SP110: variants seen among roughly 807,000 people sequenced by gnomAD.
SP110 encodes the protein SP110 nuclear body protein.
SP110 carries 62 observed loss-of-function variants against 92.7 expected under a neutral mutation model. The observed-to-expected ratio is 0.67, with a 90% CI of 0.55 to 0.83. SP110 has a LOEUF of 0.83. Ranked by LOEUF, SP110 falls within the 40% of genes least tolerant of loss-of-function variation. The pLI is 0.00. For synonymous variants in SP110, 273 were observed against 305.3 expected (o/e 0.89, Z 1.10); for missense variants, 793 against 863.9 (o/e 0.92, Z 1.03).
At chr2:230,175,839 G>A (rs1296442840) in intron 14 of SP110, among the ~76,000 whole-genome samples, 1 of 152,086 alleles carries the variant, frequency 6.6e-6, no homozygotes, top group Non-Finnish European at 1.5e-5. Context: ...AAGCATGGAG[G>A]ATTCAGCAAT....
At chr2:230,199,929 A>G (rs1284554509) in intron 10 of SP110, among the ~76,000 whole-genome samples, 1 of 152,200 alleles carries the variant, frequency 6.6e-6, no homozygotes, top group Non-Finnish European at 1.5e-5. Context: ...ACCCGGTGGC[A>G]GCCAGCCCTT....
chr2:230,189,574 T>C (rs1039779773), intron 10 of SP110, among the ~76,000 whole-genome samples: 12 of 152,136 alleles, frequency 7.9e-5, no homozygotes, highest in Non-Finnish European at 1.8e-4. Context: ...AATTTTTTTC[T>C]TCTAAAAAAC....
At chr2:230,178,102 TTCTAGTGAGTCCTTCA>T in intron 13 of SP110, 39 bp downstream of exon 13, 1 of 1,082,584 alleles carries the variant, frequency 9.2e-7, no homozygotes, top group Non-Finnish European at 1.4e-6. Context: ...TTTTCCTCCC[TTCTAGTGAGTCCTTCA>T]TCTAGGGATT....
chr2:230,219,139 C>T (rs1473882916), intron 1 of SP110, among the ~76,000 whole-genome samples: 1 of 152,154 alleles, frequency 6.6e-6, no homozygotes, highest in Non-Finnish European at 1.5e-5. Context: ...GCAGGAGAAT[C>T]GCTTGAACCT....
Position 230,216,765 on chromosome 2 carries a change from G to T in SP110, c.147+16C>A. 6.2e-7 allele frequency: 1 copy of T among 1,613,502 alleles called. No homozygotes were observed. On this transcript the variant is annotated intron_variant, in intron 2 of 18. Transcript: ENST00000258381. ...GTGGGGGCTGGGCTGCCATGGAAGG[G>T]TTCAACATGACTCACCATGTACATT...
At chr2:230,183,876 T>C (rs2042238286) in intron 11 of SP110, among the ~76,000 whole-genome samples, 1 of 152,216 alleles carries the variant, frequency 6.6e-6, no homozygotes, top group Admixed American at 6.5e-5. Context: ...AATTAATATA[T>C]GTCAATACAT....
At chr2:230,210,582 A>T (rs1222523971) in intron 6 of SP110, among the ~76,000 whole-genome samples, 2 of 152,192 alleles carry the variant, frequency 1.3e-5, no homozygotes, top group East Asian at 3.9e-4. Flanking sequence ...GTATATAAGG[A>T]TTGTTTGAAG....
At position 230,165,680 on chromosome 2, in the gene SP110, A is replaced by T. The variant is rs2078300318; in HGVS notation, c.*3444T>A. On this transcript the variant is annotated 3_prime_UTR_variant, in exon 19 of 19. Coordinates refer to ENST00000258381, the MANE Select transcript of SP110 (RefSeq NM_080424.4). The stretch of plus-strand genomic sequence containing the variant: ...TCAAAGTGATAAACGCATTGCCTTA[A>T]GTATGTGACACATTACAGATATTTT... Among the ~76,000 whole-genome samples the T allele has an allele frequency of 6.6e-6, 1 of 152,314 alleles. No homozygotes were observed. The highest frequency in any genetic ancestry group is 1.9e-4 in the East Asian group (1 of 5,188).
intron 8 of SP110, among the ~76,000 whole-genome samples, chr2:230,204,801 A>G (rs2043582472): frequency 6.6e-6 from 1 of 152,208 alleles, no homozygotes; most frequent in Non-Finnish European, 1.5e-5. Flanking sequence ...TGAGATAGAC[A>G]TAAGTCAACA....
rs754814255 is a variant in SP110 at position 230,212,810 on chromosome 2, G to A, written c.534C>T (p.Asp178=). ...TGAGTGCAGGGAGAGGCAGGACAGGGTCAGATGGGCTGGGCGACTCACTCA... is the reference window on the plus strand; with the variant it reads ...TGAGTGCAGGGAGAGGCAGGACAGGATCAGATGGGCTGGGCGACTCACTCA... The part of the protein sequence containing the change: ...EILSESPSPS[D]PVLPLPALIQ... Residue 178 remains aspartate (D), a synonymous_variant, in exon 4 of 19, where the codon GAC becomes GAT. Transcript: ENST00000258381. 3.1e-6 allele frequency: 5 copies of A among 1,614,156 alleles called. No homozygotes were observed. The highest frequency in any genetic ancestry group is 4.2e-6 in the Non-Finnish European group (5 of 1,180,020).
At position 230,166,184 on chromosome 2, in the gene SP110, G is replaced by A. The variant is rs372845483; in HGVS notation, c.*2940C>T. Among the ~76,000 whole-genome samples the A allele has an allele frequency of 4.6e-5, 7 of 152,230 alleles. No individual in the cohort carries two copies. Among genetic ancestry groups the A allele is most frequent in the East Asian group, 1.9e-4 (1 of 5,182 alleles). ...TGGGATTACAGGCCTGAGCCACTGC[G>A]CCTGGCAGACCACCTATATTACTTT... On this transcript the variant is annotated 3_prime_UTR_variant, in exon 19 of 19. Coordinates refer to ENST00000258381, the MANE Select transcript of SP110 (RefSeq NM_080424.4).
At chr2:230,224,066 T>C (rs1002804069), upstream of SP110, among the ~76,000 whole-genome samples, 4 of 152,108 alleles carry the variant, frequency 2.6e-5, no homozygotes, top group African/African-American at 7.2e-5. Context: ...AAAAACAAGA[T>C]AGTGGGAAAT....
chr2:230,216,656 T>C, intron 2 of SP110, 125 bp downstream of exon 2: 1 of 1,163,850 alleles, frequency 8.6e-7, no homozygotes, highest in Non-Finnish European at 1.3e-6. Context: ...CCTTCTGTGA[T>C]AATGAACATG....
chr2:230,179,201 AG>A (rs1473109173), intron 12 of SP110, among the ~76,000 whole-genome samples: 1 of 152,196 alleles, frequency 6.6e-6, no homozygotes, highest in African/African-American at 2.4e-5. Context: ...GAAAGACACA[AG>A]GCAGATAGAG....
intron 8 of SP110, among the ~76,000 whole-genome samples, chr2:230,206,598 TATATATATA>T (rs2043855507): frequency 3.2e-5 from 1 of 31,310 alleles, no homozygotes; most frequent in African/African-American, 2.2e-4. Context: ...CCAGATTTTA[TATATATATA>T]TATATATATA....
chr2:230,222,160 C>G (rs2045877947), upstream of SP110, among the ~76,000 whole-genome samples: 1 of 150,360 alleles, frequency 6.7e-6, no homozygotes, highest in African/African-American at 2.4e-5. Context: ...AACTCAGGAG[C>G]TGGAGGTTGC....
intron 10 of SP110, among the ~76,000 whole-genome samples, chr2:230,196,059 A>T (rs1201008476): frequency 6.6e-6 from 1 of 152,220 alleles, no homozygotes; most frequent in African/African-American, 2.4e-5. Context: ...AACATTTAAA[A>T]AGTTTTATTA....
At chr2:230,218,562 G>T (rs2045489279) in intron 1 of SP110, among the ~76,000 whole-genome samples, 1 of 152,130 alleles carries the variant, frequency 6.6e-6, no homozygotes, top group Admixed American at 6.5e-5. Context: ...GGTCTTGGAG[G>T]CTCCTTTTAG....
rs2078318581 is a variant in SP110, at chr2:230,166,908, G to A, written c.*2216C>T. 6.6e-6 allele frequency among the ~76,000 whole-genome samples: 1 copy of A among 152,098 alleles called. No homozygotes were observed. The highest frequency in any genetic ancestry group is 6.6e-5 in the Admixed American group (1 of 15,262). On this transcript the variant is annotated 3_prime_UTR_variant, in exon 19 of 19. Coordinates refer to ENST00000258381, the MANE Select transcript of SP110 (RefSeq NM_080424.4). ...TGGATTTCAGAATTGCTATAAATGA[G>A]TGACTGCTGCTTCCTTTTTCCCCGT...
Sources: allele counts gnomAD v4.1 joint callset (sites outside exome capture counted in the v4.1 genomes callset), GRCh38; gene constraint gnomAD v4.1.1; transcripts MANE v1.5; gene names NCBI Gene and HGNC (gene_info 2026-07-23, HGNC 2026-07-21).